YEATS2: variants seen among roughly 807,000 people sequenced by gnomAD.
YEATS2 encodes YEATS domain-containing protein 2.
In YEATS2, 77 loss-of-function variants were observed where a neutral mutation model predicts 163.2. That is an observed-to-expected ratio of 0.47 (90% CI 0.39 to 0.57). The LOEUF (loss-of-function observed/expected upper bound fraction) is 0.57, where lower values mean the gene tolerates loss of function less well. YEATS2 is among the 20% of genes least tolerant of loss of function. The pLI is 0.00. For synonymous variants in YEATS2, 631 were observed against 645.1 expected (o/e 0.98, Z 0.33); for missense variants, 1,549 against 1,729.8 (o/e 0.90, Z 1.85).
intron 21 of YEATS2, among the ~76,000 whole-genome samples, chr3:183,793,997 A>G (rs1724913317): frequency 6.6e-6 from 1 of 152,232 alleles, no homozygotes; most frequent in South Asian, 2.1e-4. Flanking sequence ...CGTAAACTGC[A>G]TTAAACTTAA....
chr3:183,790,371 G>A (rs915907856), intron 20 of YEATS2, among the ~76,000 whole-genome samples: 5 of 152,096 alleles, frequency 3.3e-5, no homozygotes, highest in Non-Finnish European at 7.3e-5. Context: ...CCATGTAGTA[G>A]ATGTTTGTTC....
intron 15 of YEATS2, among the ~76,000 whole-genome samples, chr3:183,770,550 T>G (rs1433836412): frequency 6.6e-6 from 1 of 152,184 alleles, no homozygotes; most frequent in Non-Finnish European, 1.5e-5. Flanking sequence ...CACCCCAAAT[T>G]TACTTATTCA....
At chr3:183,700,536 C>T (rs2108950867) in intron 1 of YEATS2, among the ~76,000 whole-genome samples, 1 of 151,956 alleles carries the variant, frequency 6.6e-6, no homozygotes, top group East Asian at 1.9e-4. Flanking sequence ...GGAGTTGATG[C>T]AGTTTTCTCA....
chr3:183,775,225 C>T (rs1407046757), intron 17 of YEATS2, among the ~76,000 whole-genome samples: 2 of 152,164 alleles, frequency 1.3e-5, no homozygotes. Flanking sequence ...ACACTAAATT[C>T]CAGCAATTCC....
At chr3:183,759,585 A>G (rs1182865144) in intron 13 of YEATS2, among the ~76,000 whole-genome samples, 1 of 152,214 alleles carries the variant, frequency 6.6e-6, no homozygotes, top group African/African-American at 2.4e-5. Context: ...TTAAAAATAT[A>G]AAAACATTCA....
intron 1 of YEATS2, among the ~76,000 whole-genome samples, chr3:183,705,169 C>T (rs1714496419): frequency 6.6e-6 from 1 of 152,068 alleles, no homozygotes; most frequent in Admixed American, 6.6e-5. Flanking sequence ...CCTACCTCAG[C>T]TGCCCAAGTA....
intron 7 of YEATS2, 138 bp from the exon 8 acceptor site, chr3:183,736,580 G>T: frequency 1.6e-6 from 1 of 611,748 alleles, no homozygotes; most frequent in Admixed American, 3.7e-5. Flanking sequence ...TCGGCATGTT[G>T]ATTTAGTTTT....
chr3:183,777,020 A>G (rs1391180048), intron 18 of YEATS2, among the ~76,000 whole-genome samples: 2 of 152,100 alleles, frequency 1.3e-5, no homozygotes, highest in Non-Finnish European at 2.9e-5. Flanking sequence ...GATTTCTACT[A>G]TGCTAATTGC....
intron 18 of YEATS2, among the ~76,000 whole-genome samples, chr3:183,777,193 GGC>G (rs1193620962): frequency 2.6e-5 from 4 of 152,160 alleles, no homozygotes; most frequent in Non-Finnish European, 5.9e-5. Flanking sequence ...CTGAAGTCTT[GGC>G]TCTTTTTGAA....
intron 26 of YEATS2, 165 bp downstream of exon 26, chr3:183,803,500 C>T (rs1054564993): frequency 7.2e-6 from 5 of 690,256 alleles, no homozygotes; most frequent in East Asian, 2.8e-5. Context: ...GACTTTCAGG[C>T]GTGCCTTCTT....
chr3:183,715,142 A>G lies in YEATS2; in HGVS notation c.-19-2A>G. 2 of 1,555,854 alleles carry G rather than the reference A, an allele frequency of 1.3e-6. No homozygotes were observed. The highest frequency in any genetic ancestry group is 8.8e-7 in the Non-Finnish European group (1 of 1,133,372). Reference sequence around the variant, plus strand: ...AATTATTAATTTATCATTGCTTCACAGTGAAGAACTGAATGTCATCATGTC... The same window carrying G: ...AATTATTAATTTATCATTGCTTCACGGTGAAGAACTGAATGTCATCATGTC... On this transcript the variant is annotated splice_acceptor_variant, in intron 1 of 30. Transcript: ENST00000305135. LOFTEE classifies it low-confidence loss of function (5UTR_SPLICE).
At chr3:183,721,698 TTCA>T (rs1194426686) in intron 4 of YEATS2, among the ~76,000 whole-genome samples, 190 bp from the exon 5 acceptor site, 5 of 152,228 alleles carry the variant, frequency 3.3e-5, no homozygotes, top group Admixed American at 2.0e-4. Flanking sequence ...TACATAATTA[TTCA>T]TCATTCTAGT....
intron 3 of YEATS2, 23 bp from the exon 4 acceptor site, chr3:183,718,477 A>G (rs768958999): frequency 1.9e-5 from 30 of 1,591,466 alleles, no homozygotes. Flanking sequence ...TTTTTAAAGT[A>G]ATGAGTTAAC....
chr3:183,796,297 C>T (rs1472789511), intron 21 of YEATS2, among the ~76,000 whole-genome samples: 2 of 151,756 alleles, frequency 1.3e-5, no homozygotes, highest in Admixed American at 6.6e-5. Context: ...CGCACCCGAC[C>T]ACTGTTTTTA....
chr3:183,702,187 GT>G (rs1194729189), intron 1 of YEATS2, among the ~76,000 whole-genome samples: 2 of 152,176 alleles, frequency 1.3e-5, no homozygotes, highest in Non-Finnish European at 2.9e-5. Flanking sequence ...GCTCATACCT[GT>G]AGTCCCAGCA....
Position 183,754,209 on chromosome 3 carries a change from A to G in YEATS2, c.1234A>G (p.Thr412Ala). 2 of 1,613,984 alleles carry G rather than the reference A, an allele frequency of 1.2e-6. No homozygotes were observed. The highest frequency in any genetic ancestry group is 1.7e-6 in the Non-Finnish European group (2 of 1,179,920). ...ATTGGAAAGAACACCCACCAAAATG[A>G]CTACATCCCAGAAAGTTACCTTTTG... ...SSLERTPTKMTTSQKVTFCSH... is the reference protein window; with the variant it reads ...SSLERTPTKMATSQKVTFCSH... Residue 412 changes from threonine (T) to alanine (A), a missense_variant, in exon 11 of 31, where the codon ACT becomes GCT. By Grantham distance (58) the Thr-to-Ala change is moderately conservative. Transcript: ENST00000305135.
At chr3:183,805,789 A>G (rs1055226734) in intron 27 of YEATS2, among the ~76,000 whole-genome samples, 15 of 150,520 alleles carry the variant, frequency 1.0e-4, no homozygotes, top group African/African-American at 3.4e-4. Flanking sequence ...ACCCTGTCCA[A>G]AAAAAAAAGG....
At position 183,757,186 on chromosome 3, in the gene YEATS2, G is replaced by A. The variant is rs566820232; in HGVS notation, c.1552+497G>A. Among the ~76,000 whole-genome samples the A allele has an allele frequency of 9.9e-5, 15 of 152,214 alleles. No individual in the cohort carries two copies. The South Asian group carries it at 2.7e-3, about 27-fold the overall frequency. On this transcript the variant is annotated intron_variant, in intron 12 of 30. Coordinates refer to ENST00000305135, the MANE Select transcript of YEATS2 (RefSeq NM_018023.5). ...GGAAAAAGTCATCCTTGGGTTCACC[G>A]TGTTCCTCACTGTAATCCCATGCTT...
chr3:183,750,683 T>C (rs1720069377), intron 9 of YEATS2, among the ~76,000 whole-genome samples: 1 of 152,240 alleles, frequency 6.6e-6, no homozygotes, highest in African/African-American at 2.4e-5. Context: ...TCATTAGTGA[T>C]GTTGAGGATC....
Sources: allele counts gnomAD v4.1 joint callset (sites outside exome capture counted in the v4.1 genomes callset), GRCh38; gene constraint gnomAD v4.1.1; transcripts MANE v1.5; gene names NCBI Gene and HGNC (gene_info 2026-07-23, HGNC 2026-07-21).